The following ARHGAP44 variants were observed in gnomAD, a reference collection of about 807,000 sequenced individuals.
ARHGAP44 encodes the protein rho GTPase-activating protein 44.
A neutral mutation model predicts 106.8 loss-of-function variants in ARHGAP44; 43 were observed. That is an observed-to-expected ratio of 0.40 (90% CI 0.32 to 0.52). The LOEUF is 0.52. ARHGAP44 is among the 20% of genes least tolerant of loss of function. The pLI is 0.48. For missense variants in ARHGAP44, 866 were observed against 1,050.5 expected, an observed-to-expected ratio of 0.82 and a Z score of 2.43; for synonymous variants, 439 against 410.3, an observed-to-expected ratio of 1.07 and a Z score of -0.85.
chr17:12,961,177 G>C (rs555860838), intron 16 of ARHGAP44, among the ~76,000 whole-genome samples: 108 of 152,304 alleles, frequency 7.1e-4, no homozygotes, highest in African/African-American at 2.5e-3. Context: ...CTCTGAGAGA[G>C]AGTTACCACT....
intron 1 of ARHGAP44, among the ~76,000 whole-genome samples, chr17:12,891,797 G>GT (rs1246230182): frequency 3.4e-3 from 284 of 82,320 alleles, no homozygotes; most frequent in South Asian, 9.7e-3. Context: ...TCATTTTTGG[G>GT]GTTTTTTTTT....
At chr17:12,932,278 T>G (rs1598076399) in intron 7 of ARHGAP44, among the ~76,000 whole-genome samples, 2 of 152,246 alleles carry the variant, frequency 1.3e-5, no homozygotes, top group South Asian at 4.1e-4. Context: ...TAAATGTTGA[T>G]GAGTATCATG....
Position 12,984,602 on chromosome 17 carries a change from G to A in ARHGAP44, c.2011G>A (p.Ala671Thr), listed in dbSNP as rs1464214236. The A allele has an allele frequency of 1.2e-5, 20 of 1,606,266 alleles. No individual in the cohort carries two copies. Among genetic ancestry groups the A allele is most frequent in the South Asian group, 2.2e-5 (2 of 90,034 alleles). ...GCCGGGGGCTATGGCAGACCAGTCC[G>A]CTGGCCAGCCGTCCCCAGTCAGCCT... ...GQPGAMADQSAGQPSPVSLSP... is the reference protein window; with the variant it reads ...GQPGAMADQSTGQPSPVSLSP... The change falls in exon 20 of 21, where the codon GCT becomes ACT. Residue 671 changes from alanine to threonine, a missense_variant. By Grantham distance (58) the Ala-to-Thr change is moderately conservative. Transcript: ENST00000379672.
At chr17:12,839,493 G>A (rs1159771385) in intron 1 of ARHGAP44, among the ~76,000 whole-genome samples, 1 of 152,170 alleles carries the variant, frequency 6.6e-6, no homozygotes, top group Non-Finnish European at 1.5e-5. Context: ...GTACCGTAGT[G>A]TAGTACATTC....
intron 20 of ARHGAP44, among the ~76,000 whole-genome samples, chr17:12,989,101 C>CA (rs71144942): frequency 0.24 from 10,739 of 45,238 alleles, 1,003 homozygotes; most frequent in African/African-American, 0.29. Flanking sequence ...CCACCCCCCC[C>CA]AAAAAAAAAA....
At chr17:12,989,260 G>C (rs930047720) in intron 20 of ARHGAP44, among the ~76,000 whole-genome samples, 2 of 151,928 alleles carry the variant, frequency 1.3e-5, no homozygotes, top group African/African-American at 4.8e-5. Context: ...CCAGGGCGGC[G>C]GCTGCAGCAG....
intron 1 of ARHGAP44, among the ~76,000 whole-genome samples, chr17:12,827,271 TTTTG>T: frequency 6.6e-6 from 1 of 152,348 alleles, no homozygotes; most frequent in East Asian, 1.9e-4. Context: ...TCTCATTTTA[TTTTG>T]TTTTATATAT....
rs536628073 is a variant in ARHGAP44 at position 12,826,544 on chromosome 17, A to G, written c.53+36653A>G. On this transcript the variant is annotated intron_variant, in intron 1 of 20. Coordinates refer to ENST00000379672, the MANE Select transcript of ARHGAP44 (RefSeq NM_014859.6). ...GGAGATAATTGCATTTTTATTTCCTAATGCTCTTCAATTTTATTGGCCATT... is the reference window on the plus strand; with the variant it reads ...GGAGATAATTGCATTTTTATTTCCTGATGCTCTTCAATTTTATTGGCCATT... 5.3e-5 allele frequency among the ~76,000 whole-genome samples: 8 copies of G among 152,284 alleles called. No homozygotes were observed. The South Asian group carries it at 1.7e-3, about 32-fold the overall frequency.
At chr17:12,812,760 G>A (rs1450590059) in intron 1 of ARHGAP44, among the ~76,000 whole-genome samples, 1 of 152,168 alleles carries the variant, frequency 6.6e-6, no homozygotes, top group Admixed American at 6.5e-5. Context: ...CTTCTCAACT[G>A]GGGAACAGGG....
rs1403990712 is a variant in ARHGAP44 at position 12,984,522 on chromosome 17, C to A, written c.1940-9C>A. 14 of 1,512,054 alleles carry A rather than the reference C, an allele frequency of 9.3e-6. No individual in the cohort carries two copies. Among genetic ancestry groups the A allele is most frequent in the African/African-American group, 1.4e-5 (1 of 71,750 alleles). 93.7% of individuals were successfully genotyped at this position (1,512,054 alleles called of 1,614,324 possible). On this transcript the variant is annotated splice_polypyrimidine_tract_variant and intron_variant, in intron 19 of 20. Transcript: ENST00000379672. ...GTGTTTTGTTGTTGTGTTGTGTTTT[C>A]TCTTTCAGTTTCAAAGAAGCTGGCA...
At chr17:12,906,019 A>T (rs1318707931) in intron 3 of ARHGAP44, among the ~76,000 whole-genome samples, 1 of 152,156 alleles carries the variant, frequency 6.6e-6, no homozygotes, top group African/African-American at 2.4e-5. Flanking sequence ...GATGTTTAGC[A>T]ACATCCCTGG....
intron 10 of ARHGAP44, 81 bp downstream of exon 10, chr17:12,944,277 T>C: frequency 1.4e-6 from 2 of 1,455,630 alleles, no homozygotes; most frequent in South Asian, 3.0e-5. Context: ...CTCTCTCCTG[T>C]ACCATCTCCA....
intron 1 of ARHGAP44, among the ~76,000 whole-genome samples, chr17:12,808,336 G>C (rs1049932612): frequency 6.6e-6 from 1 of 152,232 alleles, no homozygotes; most frequent in Non-Finnish European, 1.5e-5. Flanking sequence ...TGTGGGGCTC[G>C]AACCCCACAT....
chr17:12,906,401 A>G (rs1024409983), intron 3 of ARHGAP44, among the ~76,000 whole-genome samples: 3 of 152,054 alleles, frequency 2.0e-5, no homozygotes, highest in South Asian at 2.1e-4. Context: ...GCCCCTACTT[A>G]AGATGTCAAT....
chr17:12,984,008 C>G (rs1026498022), intron 19 of ARHGAP44, among the ~76,000 whole-genome samples: 2 of 152,158 alleles, frequency 1.3e-5, no homozygotes, highest in African/African-American at 4.8e-5. Flanking sequence ...GCTCACATAT[C>G]ACTGTTAGGG....
rs967680817 is a variant in ARHGAP44 at position 12,913,239 on chromosome 17, A to AT, written c.276-2652dup. ...TTATCACTGCTTAGGATGAGGTTTA[A>AT]TTTTTTTTTAATCAAGTTAAGCAAA... On this transcript the variant is annotated intron_variant, in intron 4 of 20. Transcript: ENST00000379672. Among the ~76,000 whole-genome samples the AT allele has an allele frequency of 4.0e-4, 61 of 151,834 alleles. 1 individual carries two copies. In the East Asian group the frequency reaches 8.1e-3, roughly 20 times the overall value.
chr17:12,902,028 C>G (rs1447092245), intron 3 of ARHGAP44, among the ~76,000 whole-genome samples: 1 of 152,176 alleles, frequency 6.6e-6, no homozygotes, highest in African/African-American at 2.4e-5. Flanking sequence ...CTTCCTCTTC[C>G]CTTCTCTGCA....
At chr17:12,964,584 C>T (rs988729415) in intron 16 of ARHGAP44, among the ~76,000 whole-genome samples, 1 of 152,186 alleles carries the variant, frequency 6.6e-6, no homozygotes, top group Admixed American at 6.5e-5. Context: ...AGTTCTAGAC[C>T]AGTCTGGCCA....
chr17:12,952,314 G>C (rs1474787006), intron 12 of ARHGAP44, among the ~76,000 whole-genome samples, 187 bp from the exon 13 acceptor site: 2 of 152,092 alleles, frequency 1.3e-5, no homozygotes, highest in Non-Finnish European at 2.9e-5. Context: ...TGTTAAAATC[G>C]CACAGGACAA....
Sources: allele counts gnomAD v4.1 joint callset (sites outside exome capture counted in the v4.1 genomes callset), GRCh38; gene constraint gnomAD v4.1.1; transcripts MANE v1.5; gene names NCBI Gene and HGNC (gene_info 2026-07-23, HGNC 2026-07-21).